The following LARGE1 variants were observed in gnomAD, a reference collection of about 807,000 sequenced individuals.
LARGE1 encodes LARGE xylosyl- and glucuronyltransferase 1.
A neutral mutation model predicts 87.6 loss-of-function variants in LARGE1; 43 were observed. That is an observed-to-expected ratio of 0.49 (90% CI 0.38 to 0.63). The LOEUF is 0.63. Among genes scored for constraint, LARGE1 ranks in the 30% least tolerant of loss-of-function variants. LARGE1 has a pLI of 0.00. For missense variants in LARGE1, 802 were observed against 1,000.2 expected, an observed-to-expected ratio of 0.80 and a Z score of 2.67; for synonymous variants, 434 against 394.6, an observed-to-expected ratio of 1.10 and a Z score of -1.18.
intron 4 of LARGE1, among the ~76,000 whole-genome samples, chr22:33,619,576 A>G (rs569399295): frequency 9.9e-5 from 15 of 151,950 alleles, no homozygotes; most frequent in Non-Finnish European, 1.5e-4. Flanking sequence ...AAAAAAGAAA[A>G]AAAGAAAAAA....
chr22:33,300,225 C>T (rs933609775), intron 12 of LARGE1, among the ~76,000 whole-genome samples: 1 of 152,174 alleles, frequency 6.6e-6, no homozygotes, highest in Non-Finnish European at 1.5e-5. Context: ...CATTTAACTT[C>T]TCTGGGGCCT....
intron 1 of LARGE1, among the ~76,000 whole-genome samples, chr22:33,821,004 T>G (rs1184678000): frequency 6.6e-6 from 1 of 152,220 alleles, no homozygotes; most frequent in East Asian, 1.9e-4. Context: ...GCAAGCTCCT[T>G]GAGGGCAGGA....
At chr22:33,156,979 G>C in the LARGE1 span, among the ~76,000 whole-genome samples, 1 of 152,170 alleles carries the variant, frequency 6.6e-6, no homozygotes. Flanking sequence ...TCTCTTGTCT[G>C]CCACCATGTG....
At chr22:33,293,781 T>C (rs1932901118) in intron 12 of LARGE1, among the ~76,000 whole-genome samples, 1 of 152,218 alleles carries the variant, frequency 6.6e-6, no homozygotes, top group African/African-American at 2.4e-5. Context: ...TGATCCTACA[T>C]GTCACTGGCT....
intron 1 of LARGE1, chr22:33,856,689 G>A (rs1271160877): frequency 2.0e-5 from 3 of 152,216 alleles, no homozygotes; most frequent in Admixed American, 2.0e-4. Context: ...AACTTGGAAA[G>A]GTTTCTGTGA....
the LARGE1 span, among the ~76,000 whole-genome samples, chr22:33,119,051 T>C: frequency 1.3e-5 from 2 of 152,348 alleles, no homozygotes; most frequent in Admixed American, 1.3e-4. Flanking sequence ...AGGTTTCCTT[T>C]GGAGCAAAAG....
chr22:33,133,327 C>A, the LARGE1 span, among the ~76,000 whole-genome samples: 1 of 151,994 alleles, frequency 6.6e-6, no homozygotes, highest in Non-Finnish European at 1.5e-5. Context: ...TTATCCCTCC[C>A]CTAGTCCCCT....
Position 33,395,346 on chromosome 22 carries a change from C to T in LARGE1, c.893-11042G>A, listed in dbSNP as rs571600812. ...TCCAAGATTAGTGATAGTGGGTAAC[C>T]GGATGGAGCCAATAAATATTCAACT... On this transcript the variant is annotated intron_variant, in intron 7 of 14. Coordinates refer to ENST00000397394, the MANE Select transcript of LARGE1 (RefSeq NM_133642.5). Among the ~76,000 whole-genome samples, 9 of 151,814 alleles carry T rather than the reference C, an allele frequency of 5.9e-5. No individual in the cohort carries two copies. The East Asian group carries it at 7.8e-4, about 13-fold the overall frequency.
At chr22:33,914,849 G>T (rs1004220391) in intron 1 of LARGE1, among the ~76,000 whole-genome samples, 1 of 152,050 alleles carries the variant, frequency 6.6e-6, no homozygotes, top group Non-Finnish European at 1.5e-5. Flanking sequence ...TAGAGACAGC[G>T]CCTGAAGCCC....
chr22:33,083,395 C>A, the LARGE1 span, among the ~76,000 whole-genome samples: 1 of 152,182 alleles, frequency 6.6e-6, no homozygotes, highest in African/African-American at 2.4e-5. Flanking sequence ...GTGTCATATC[C>A]AAGTAATTAC....
At chr22:33,153,597 T>C in the LARGE1 span, among the ~76,000 whole-genome samples, 97 of 152,322 alleles carry the variant, frequency 6.4e-4, no homozygotes, top group Non-Finnish European at 9.6e-4. Context: ...TAGTACTTAC[T>C]CATGGTGGGG....
chr22:33,349,667 C>T (rs999050826), intron 9 of LARGE1, among the ~76,000 whole-genome samples: 3 of 152,116 alleles, frequency 2.0e-5, no homozygotes, highest in Non-Finnish European at 4.4e-5. Flanking sequence ...TTTCCAATTC[C>T]TGACAATTAT....
At chr22:33,417,525 G>A (rs2066542048) in intron 7 of LARGE1, among the ~76,000 whole-genome samples, 1 of 152,190 alleles carries the variant, frequency 6.6e-6, no homozygotes, top group Non-Finnish European at 1.5e-5. Context: ...GGAAGGACAG[G>A]GATATTAGCT....
At chr22:33,651,389 CAAAA>C (rs59002897) in intron 2 of LARGE1, among the ~76,000 whole-genome samples, 8 of 54,326 alleles carry the variant, frequency 1.5e-4, no homozygotes, top group African/African-American at 6.5e-4. Flanking sequence ...GACTCCGTCT[CAAAA>C]AAAAAAAAAA....
intron 1 of LARGE1, among the ~76,000 whole-genome samples, chr22:33,829,311 G>A (rs985483148): frequency 6.6e-6 from 1 of 152,012 alleles, no homozygotes; most frequent in African/African-American, 2.4e-5. Context: ...ACCCGGTCTT[G>A]TAGTCTCTTT....
chr22:33,296,870 G>T (rs771144656), intron 12 of LARGE1, among the ~76,000 whole-genome samples: 3 of 152,054 alleles, frequency 2.0e-5, no homozygotes, highest in Non-Finnish European at 2.9e-5. Context: ...CGCCCAGCCC[G>T]CCAGTTATCC....
the LARGE1 span, among the ~76,000 whole-genome samples, chr22:33,083,887 G>C: frequency 6.6e-6 from 1 of 152,162 alleles, no homozygotes; most frequent in Non-Finnish European, 1.5e-5. Flanking sequence ...CTGCCTGAGT[G>C]CTCTACTTAA....
At chr22:33,831,894 C>A (rs548330865) in intron 1 of LARGE1, among the ~76,000 whole-genome samples, 132 of 152,326 alleles carry the variant, frequency 8.7e-4, no homozygotes, top group Non-Finnish European at 1.6e-3. Context: ...GCAACCACTC[C>A]ACCTTTCCAA....
At chr22:33,395,555 G>GT (rs1356300941) in intron 7 of LARGE1, among the ~76,000 whole-genome samples, 13 of 152,210 alleles carry the variant, frequency 8.5e-5, no homozygotes, top group Admixed American at 8.5e-4. Context: ...TATGAAAACT[G>GT]TTTAAGAGAA....
Sources: gnomAD v4.1 joint callset for allele counts (sites outside exome capture counted in the v4.1 genomes callset) on GRCh38, gnomAD v4.1.1 for gene constraint, MANE v1.5 for transcripts, NCBI Gene and HGNC (gene_info 2026-07-23, HGNC 2026-07-21) for gene names.